Variants in EFCAB12 observed in about 807,000 individuals in gnomAD.
EFCAB12 encodes EF-hand calcium binding domain 12.
Under a neutral mutation model 53.6 loss-of-function variants are expected in EFCAB12, and 43 were observed. That is an observed-to-expected ratio of 0.80 (90% CI 0.63 to 1.03). The LOEUF (loss-of-function observed/expected upper bound fraction) is 1.03, where lower values mean the gene tolerates loss of function less well. Among genes scored for constraint, EFCAB12 ranks in the 50% least tolerant of loss-of-function variants. The pLI is 0.00. For synonymous variants in EFCAB12, 269 were observed against 289.2 expected (o/e 0.93, Z 0.71); for missense variants, 646 against 730.6 (o/e 0.88, Z 1.34).
intron 2 of EFCAB12, among the ~76,000 whole-genome samples, chr3:129,420,390 T>C (rs544608147): frequency 3.9e-5 from 6 of 152,322 alleles, no homozygotes; most frequent in Non-Finnish European, 8.8e-5. Flanking sequence ...AGCAGAGCTA[T>C]GTTTAAACCC....
rs764812627 is a variant in EFCAB12, at chr3:129,428,461, T to C, written c.28A>G (p.Ser10Gly). The stretch of plus-strand genomic sequence containing the variant: ...TTACCGAGCAGCGACAAGAACAGAC[T>C]GTGGTACGCTTCATAGTCGTCGTCC... MDDDYEAYH[S>G]LFLSLLGLCP... is the part of the protein sequence containing the mutation. The change falls in exon 1 of 9, where the codon AGT (serine) becomes GGT (glycine). Residue 10 changes from serine (S) to glycine (G), a missense_variant. Ser to Gly is a moderately conservative substitution (Grantham distance 56). Transcript: ENST00000505956. 7 of 1,611,086 alleles carry C rather than the reference T, an allele frequency of 4.3e-6. No individual in the cohort carries two copies. The highest frequency in any genetic ancestry group is 4.0e-5 in the African/African-American group (3 of 74,892).
chr3:129,405,460 A>G (rs1361656335), intron 6 of EFCAB12, among the ~76,000 whole-genome samples: 1 of 152,258 alleles, frequency 6.6e-6, no homozygotes. Context: ...AATGAGTTAT[A>G]TAAATAATTT....
In EFCAB12 at chr3:129,426,368, T is replaced by G. The variant is rs188711565; in HGVS notation, c.49+2072A>C. Among the ~76,000 whole-genome samples, 1,176 of 133,608 alleles carry G rather than the reference T, an allele frequency of 8.8e-3. 45 individuals carry two copies. Among genetic ancestry groups the G allele is most frequent in the Admixed American group, 0.068 (895 of 13,080 alleles). 87.7% of individuals were successfully genotyped at this position (133,608 alleles called of 152,430 possible). ...TACAGGGTTTTTTTTTGTTTTTTTT[T>G]TTTTTTTTTTTTTTGAGACGGACTC... On this transcript the variant is annotated intron_variant, in intron 1 of 8. Transcript: ENST00000505956.
rs139810830 is a variant in EFCAB12, at chr3:129,416,418, A to AAAACAAACAAAC, written c.682-1029_682-1018dup. 2.4e-3 allele frequency among the ~76,000 whole-genome samples: 362 copies of AAAACAAACAAAC among 151,436 alleles called. 3 individuals carry two copies. Among genetic ancestry groups the AAAACAAACAAAC allele is most frequent in the African/African-American group, 6.9e-3 (285 of 41,114 alleles). On this transcript the variant is annotated intron_variant, in intron 3 of 8. Transcript: ENST00000505956. ...GGTGACAAGAACGAAGCTCCGTCTC[A>AAAACAAACAAAC]AAACAAACAAACAAACAAACAAACA...
chr3:129,405,090 C>T (rs2071931089), intron 6 of EFCAB12, among the ~76,000 whole-genome samples: 1 of 152,176 alleles, frequency 6.6e-6, no homozygotes, highest in African/African-American at 2.4e-5. Context: ...GCTGGGATTA[C>T]AGGCATGAGC....
At chr3:129,417,353 A>AC (rs1453679818) in intron 3 of EFCAB12, among the ~76,000 whole-genome samples, 1 of 134,568 alleles carries the variant, frequency 7.4e-6, no homozygotes, top group African/African-American at 3.1e-5. Context: ...AAAAAAAAAA[A>AC]CCCAAAACCA....
rs768870998 is a variant in EFCAB12, at chr3:129,411,359, A to G, written c.839-5T>C. ...TGTGCTTGGCCAAGATATAATCTGG[A>G]GTCAGAGGGAAGAGATGAAGGAAGG... On this transcript the variant is annotated splice_region_variant and splice_polypyrimidine_tract_variant and intron_variant, in intron 4 of 8. Coordinates refer to ENST00000505956, the MANE Select transcript of EFCAB12 (RefSeq NM_207307.3). 3.8e-6 allele frequency: 6 copies of G among 1,558,450 alleles called. No individual in the cohort carries two copies. Among genetic ancestry groups the G allele is most frequent in the African/African-American group, 2.7e-5 (2 of 73,502 alleles).
chr3:129,423,782 T>C (rs992123811), intron 1 of EFCAB12, among the ~76,000 whole-genome samples: 1 of 152,184 alleles, frequency 6.6e-6, no homozygotes, highest in Non-Finnish European at 1.5e-5. Context: ...TGGCCCCACC[T>C]GGTCCTCTCA....
intron 1 of EFCAB12, among the ~76,000 whole-genome samples, chr3:129,425,731 G>T (rs1374114867): frequency 6.6e-6 from 1 of 152,194 alleles, no homozygotes. Flanking sequence ...TATGGGTAGA[G>T]ACTATGTGAC....
chr3:129,401,916 C>A lies in EFCAB12; in HGVS notation c.1461-65G>T, dbSNP rs530637015. On this transcript the variant is annotated intron_variant, in intron 8 of 8. Coordinates refer to ENST00000505956, the MANE Select transcript of EFCAB12 (RefSeq NM_207307.3). The stretch of plus-strand genomic sequence containing the variant: ...ACAGGCCAGAGCTGAGGCTTCATCG[C>A]AGAGCCCACCAACTGTGACCAAAGT... The A allele has an allele frequency of 1.4e-3, 2,150 of 1,553,208 alleles. 18 individuals carry two copies. The highest frequency in any genetic ancestry group is 5.8e-3 in the South Asian group (473 of 81,172).
chr3:129,415,377 C>T lies in EFCAB12; in HGVS notation c.706G>A (p.Glu236Lys). The change falls in exon 4 of 9, where the codon GAG (glutamate) becomes AAG (lysine). Residue 236 changes from glutamate (E) to lysine (K), a missense_variant. Coordinates refer to ENST00000505956, the MANE Select transcript of EFCAB12 (RefSeq NM_207307.3). Reference sequence around the variant, plus strand: ...AGGTAGATCACTATATCCTCCACCTCTTGGTTCTTCAGAGGGACTCCGACC... The same window carrying T: ...AGGTAGATCACTATATCCTCCACCTTTTGGTTCTTCAGAGGGACTCCGACC... ...KAVGVPLKNQ[E>K]VEDIVIYLSS... is the part of the protein sequence containing the mutation. 1.2e-6 allele frequency: 2 copies of T among 1,613,808 alleles called. No homozygotes were observed. The highest frequency in any genetic ancestry group is 4.5e-5 in the East Asian group (2 of 44,872).
intron 1 of EFCAB12, among the ~76,000 whole-genome samples, 155 bp from the exon 2 acceptor site, chr3:129,421,958 A>G (rs527972278): frequency 8.0e-4 from 122 of 152,316 alleles, no homozygotes; most frequent in Admixed American, 2.8e-3. Context: ...GGATAATTTC[A>G]TCTAATGTTA....
chr3:129,405,634 C>T (rs2071939831), intron 6 of EFCAB12, among the ~76,000 whole-genome samples: 2 of 152,114 alleles, frequency 1.3e-5, no homozygotes, highest in South Asian at 2.1e-4. Context: ...GCTATATTCA[C>T]AGGGGAGGGG....
intron 6 of EFCAB12, among the ~76,000 whole-genome samples, chr3:129,406,883 C>G (rs565992430): frequency 2.0e-3 from 273 of 139,772 alleles, no homozygotes; most frequent in Non-Finnish European, 3.3e-3. Flanking sequence ...TTTTTTTTGA[C>G]AGGGTCTCGC....
chr3:129,418,619 G>C, intron 2 of EFCAB12, 171 bp from the exon 3 acceptor site: 1 of 487,846 alleles, frequency 2.0e-6, no homozygotes, highest in South Asian at 6.5e-5. Context: ...AAATGCCTGG[G>C]AGACTTTGCT....
intron 2 of EFCAB12, among the ~76,000 whole-genome samples, chr3:129,419,504 T>C (rs1431597506): frequency 2.0e-5 from 3 of 152,208 alleles, no homozygotes; most frequent in Non-Finnish European, 4.4e-5. Flanking sequence ...GATTAATGGA[T>C]TAATGGGCTA....
Position 129,415,186 on chromosome 3 carries a change from G to A in EFCAB12, c.838+59C>T, listed in dbSNP as rs2072098114. On this transcript the variant is annotated intron_variant, in intron 4 of 8. Transcript: ENST00000505956. The stretch of plus-strand genomic sequence containing the variant: ...TTTGGAGGAGAGGCCAAGGCTGCCT[G>A]CACCATGCTTGCTCCCAGGACGGGG... The A allele has an allele frequency of 5.3e-6, 8 of 1,518,836 alleles. No homozygotes were observed. In the South Asian group the frequency reaches 8.0e-5, roughly 15 times the overall value. 94.1% of individuals were successfully genotyped at this position (1,518,836 alleles called of 1,614,324 possible).
In EFCAB12 at chr3:129,421,669, C is replaced by A; in HGVS notation, c.184G>T (p.Val62Leu). Reference sequence around the variant, plus strand: ...GGTGTCTGATCCTCCTTGCGAGGCACCATGATGATTCGCCGGCGGGTCTGA... The same window carrying A: ...GGTGTCTGATCCTCCTTGCGAGGCAACATGATGATTCGCCGGCGGGTCTGA... The part of the protein sequence containing the change: ...LPQTRRRIIM[V>L]PRKEDQTPLN... Residue 62 changes from valine to leucine, a missense_variant, in exon 2 of 9, where the codon GTG becomes TTG. Coordinates refer to ENST00000505956, the MANE Select transcript of EFCAB12 (RefSeq NM_207307.3). 1 of 1,613,906 alleles carries A rather than the reference C, an allele frequency of 6.2e-7. No homozygotes were observed. Among genetic ancestry groups the A allele is most frequent in the Non-Finnish European group, 8.5e-7 (1 of 1,179,876 alleles).
chr3:129,426,004 C>T (rs2072266164), intron 1 of EFCAB12, among the ~76,000 whole-genome samples: 1 of 152,230 alleles, frequency 6.6e-6, no homozygotes, highest in African/African-American at 2.4e-5. Context: ...CCAGAAAACA[C>T]ACTTGTTCTC....
Sources: gnomAD v4.1 joint callset for allele counts (sites outside exome capture counted in the v4.1 genomes callset) on GRCh38, gnomAD v4.1.1 for gene constraint, MANE v1.5 for transcripts, NCBI Gene and HGNC (gene_info 2026-07-23, HGNC 2026-07-21) for gene names.